Variants in HS6ST2 observed in about 807,000 individuals in gnomAD.
HS6ST2 encodes the protein heparan-sulfate 6-O-sulfotransferase 2.
In HS6ST2, 17 loss-of-function variants were observed where a neutral mutation model predicts 33.0. That is an observed-to-expected ratio of 0.52 (90% CI 0.35 to 0.77). HS6ST2 has a LOEUF of 0.77. Among genes scored for constraint, HS6ST2 ranks in the 30% least tolerant of loss-of-function variants. The pLI is 0.01. For missense variants in HS6ST2, 519 were observed against 551.7 expected (o/e 0.94, Z 0.59); for synonymous variants, 248 against 237.1 (o/e 1.05, Z -0.42).
intron 2 of HS6ST2, among the ~76,000 whole-genome samples, chrX:132,807,880 G>C (rs1023501199): frequency 8.9e-6 from 1 of 112,049 alleles, no homozygotes; most frequent in African/African-American, 3.2e-5. Context: ...ATTCCCTCCA[G>C]AAGGCTGGGA....
intron 2 of HS6ST2, among the ~76,000 whole-genome samples, chrX:132,941,098 T>C (rs918758373): frequency 8.9e-6 from 1 of 112,127 alleles, no homozygotes; most frequent in Non-Finnish European, 1.9e-5. Flanking sequence ...ATCCTGCCCA[T>C]TCCAGTCCAA....
At chrX:132,924,844 C>T (rs1184388593) in intron 2 of HS6ST2, among the ~76,000 whole-genome samples, 4 of 111,243 alleles carry the variant, frequency 3.6e-5, no homozygotes, top group African/African-American at 9.8e-5. Flanking sequence ...AAAAATTAGC[C>T]GTGTGTCGTG....
chrX:132,718,220 T>A (rs1413502016), intron 2 of HS6ST2, among the ~76,000 whole-genome samples: 3 of 111,150 alleles, frequency 2.7e-5, no homozygotes, highest in Non-Finnish European at 5.7e-5. Flanking sequence ...ACTTGCATGA[T>A]AAGTGGTAGA....
At chrX:132,784,040 C>T (rs1286095876) in intron 2 of HS6ST2, among the ~76,000 whole-genome samples, 2 of 111,326 alleles carry the variant, frequency 1.8e-5, no homozygotes, top group Non-Finnish European at 3.8e-5. Context: ...CACAGGCATT[C>T]GGAGTATTGA....
chrX:132,792,935 G>A (rs2065131336), intron 2 of HS6ST2, among the ~76,000 whole-genome samples: 1 of 105,458 alleles, frequency 9.5e-6, no homozygotes, highest in Admixed American at 1.1e-4. Context: ...TAGCTGATGT[G>A]TTTTTAAGAT....
At chrX:132,783,668 T>C (rs891353429) in intron 2 of HS6ST2, among the ~76,000 whole-genome samples, 8 of 110,907 alleles carry the variant, frequency 7.2e-5, no homozygotes, top group African/African-American at 2.6e-4. Context: ...AGCCTGGGAA[T>C]TTCAGTCTGG....
intron 2 of HS6ST2, among the ~76,000 whole-genome samples, chrX:132,781,490 G>A (rs897718479): frequency 9.0e-6 from 1 of 111,690 alleles, no homozygotes; most frequent in Non-Finnish European, 1.9e-5. Flanking sequence ...TGAGGAAGAT[G>A]AGTATTCTCA....
At chrX:132,933,608 G>A (rs370672462) in intron 2 of HS6ST2, among the ~76,000 whole-genome samples, 4 of 111,429 alleles carry the variant, frequency 3.6e-5, no homozygotes, top group East Asian at 2.8e-4. Context: ...TAATCTACAC[G>A]TGCAAGTAGC....
chrX:132,658,195 A>G (rs1450401122), intron 4 of HS6ST2, among the ~76,000 whole-genome samples: 1 of 111,551 alleles, frequency 9.0e-6, no homozygotes, highest in Non-Finnish European at 1.9e-5. Context: ...ATCACCCCAA[A>G]GAGAACCTTC....
intron 2 of HS6ST2, among the ~76,000 whole-genome samples, chrX:132,765,485 C>T (rs2064839586): frequency 9.0e-6 from 1 of 111,613 alleles, no homozygotes; most frequent in Non-Finnish European, 1.9e-5. Flanking sequence ...GACACATGGT[C>T]TTGCACTGTC....
chrX:132,946,170 G>C (rs1321240770), intron 2 of HS6ST2, among the ~76,000 whole-genome samples: 1 of 111,724 alleles, frequency 9.0e-6, no homozygotes, highest in South Asian at 3.8e-4. Flanking sequence ...TTACACTGTT[G>C]GTGGGTCTGT....
intron 3 of HS6ST2, among the ~76,000 whole-genome samples, chrX:132,698,824 T>C (rs746605255): frequency 8.9e-6 from 1 of 111,956 alleles, no homozygotes; most frequent in African/African-American, 3.2e-5. Context: ...AAATTATCTA[T>C]ATCTGCCACC....
chrX:132,932,043 G>A (rs1169824517), intron 2 of HS6ST2, among the ~76,000 whole-genome samples: 3 of 109,456 alleles, frequency 2.7e-5, no homozygotes, highest in Non-Finnish European at 3.8e-5. Flanking sequence ...AAAATTAGCC[G>A]GGCGTGGTGG....
rs375689650 is a variant in HS6ST2 at position 132,767,523 on chromosome X, C to T, written c.948-59029G>A. Reference sequence around the variant, plus strand: ...GGATCATCAGATACTAAGGATTTTACTTGTTTTTATTTTCCTTATATGATG... The same window carrying T: ...GGATCATCAGATACTAAGGATTTTATTTGTTTTTATTTTCCTTATATGATG... On this transcript the variant is annotated intron_variant, in intron 2 of 4. Coordinates refer to ENST00000370833, the MANE Select transcript of HS6ST2 (RefSeq NM_001394073.1). 4.8e-4 allele frequency among the ~76,000 whole-genome samples: 54 copies of T among 111,937 alleles called. No homozygotes were observed. In the South Asian group the frequency reaches 0.019, roughly 39 times the overall value.
intron 2 of HS6ST2, among the ~76,000 whole-genome samples, chrX:132,769,789 A>G (rs774801456): frequency 2.9e-4 from 29 of 101,366 alleles, no homozygotes; most frequent in African/African-American, 9.7e-4. Context: ...CAGAACTTGC[A>G]ATTGCTTTGA....
At position 132,811,868 on chromosome X, in the gene HS6ST2, G is replaced by T. The variant is rs1000650437; in HGVS notation, c.948-103374C>A. The stretch of plus-strand genomic sequence containing the variant: ...TATACTCTTTTAGTTATTTTAAAAT[G>T]TACAATTAAATTATTATTGACTATA... On this transcript the variant is annotated intron_variant, in intron 2 of 4. Transcript: ENST00000370833. Among the ~76,000 whole-genome samples the T allele has an allele frequency of 8.5e-4, 91 of 106,469 alleles. 1 individual carries two copies. Among genetic ancestry groups the T allele is most frequent in the African/African-American group, 2.8e-3 (82 of 29,266 alleles). The allele number at this position is 106,469 out of a possible 115,157, so 92.5% of individuals were successfully genotyped here.
chrX:132,854,819 T>C lies in HS6ST2; in HGVS notation c.947+101989A>G, dbSNP rs1602752156. Among the ~76,000 whole-genome samples the C allele has an allele frequency of 6.2e-5, 7 of 112,154 alleles. 2 individuals are homozygous for C. The Admixed American group carries it at 6.6e-4, about 11-fold the overall frequency. The stretch of plus-strand genomic sequence containing the variant: ...GACTCAACTAACTAAAATTAACAGC[T>C]AGAATTGTTTTGACTTGTTCTAACA... On this transcript the variant is annotated intron_variant, in intron 2 of 4. Coordinates refer to ENST00000370833, the MANE Select transcript of HS6ST2 (RefSeq NM_001394073.1).
chrX:132,746,621 C>T (rs1826222941), intron 2 of HS6ST2, among the ~76,000 whole-genome samples: 1 of 112,419 alleles, frequency 8.9e-6, no homozygotes, highest in South Asian at 3.7e-4. Context: ...CACCTCACTC[C>T]CTCTGCCTAG....
At chrX:132,673,069 A>G (rs1259448332) in intron 3 of HS6ST2, among the ~76,000 whole-genome samples, 2 of 112,308 alleles carry the variant, frequency 1.8e-5, no homozygotes, top group African/African-American at 6.5e-5. Flanking sequence ...AATAGTACTG[A>G]AATTTTAAGA....
Sources: gnomAD v4.1 joint callset for allele counts (sites outside exome capture counted in the v4.1 genomes callset) on GRCh38, gnomAD v4.1.1 for gene constraint, MANE v1.5 for transcripts, NCBI Gene and HGNC (gene_info 2026-07-23, HGNC 2026-07-21) for gene names.